Variants in PLGRKT observed in about 807,000 individuals in gnomAD.
PLGRKT encodes plasminogen receptor with a C-terminal lysine, also known as plasminogen receptor (KT).
A neutral mutation model predicts 18.5 loss-of-function variants in PLGRKT; 22 were observed. That is an observed-to-expected ratio of 1.19 (90% CI 0.85 to 1.70). The LOEUF is 1.70. PLGRKT is among the 40% of genes most tolerant of loss of function. PLGRKT has a pLI of 0.00. For missense variants in PLGRKT, 235 were observed against 174.4 expected (o/e 1.35, Z -1.96); for synonymous variants, 72 against 52.8 (o/e 1.36, Z -1.58).
chr9:5,382,637 T>C (rs928692931), intron 3 of PLGRKT, among the ~76,000 whole-genome samples: 1 of 152,178 alleles, frequency 6.6e-6, no homozygotes, highest in Non-Finnish European at 1.5e-5. Flanking sequence ...ATGTTAGACT[T>C]CGTGGGGAGC....
rs1330643925 is a variant in PLGRKT at position 5,418,653 on chromosome 9, C to T, written c.81+13244G>A. 2 of 687,484 alleles carry T rather than the reference C, an allele frequency of 2.9e-6. No homozygotes were observed. Among genetic ancestry groups the T allele is most frequent in the African/African-American group, 1.8e-5 (1 of 56,744 alleles). The allele number at this position is 687,484 out of a possible 1,614,324, so 42.6% of individuals were successfully genotyped here. On this transcript the variant is annotated intron_variant, in intron 3 of 5. Transcript: ENST00000223864. This position sits in a 1 kb window ranked among gnomAD's most constrained non-coding sequence, Gnocchi z 4.2. Reference sequence around the variant, plus strand: ...TCATATCTCCGGGCAGCAGCGCGTGCTCCTTGGAGATGGGCAGGGGCAGCA... The same window carrying T: ...TCATATCTCCGGGCAGCAGCGCGTGTTCCTTGGAGATGGGCAGGGGCAGCA...
In PLGRKT at chr9:5,418,331, A is replaced by C; in HGVS notation, c.81+13566T>G. 1 of 613,460 alleles carries C rather than the reference A, an allele frequency of 1.6e-6. No homozygotes were observed. Among genetic ancestry groups the C allele is most frequent in the Non-Finnish European group, 3.0e-6 (1 of 330,396 alleles). The allele number at this position is 613,460 out of a possible 1,614,324, so 38.0% of individuals were successfully genotyped here. ...CTCATCACCAATGTGCTCAACCCCT[A>C]AGTTGGCACCCACAAGAGACTTCCC... On this transcript the variant is annotated intron_variant, in intron 3 of 5. Coordinates refer to ENST00000223864, the MANE Select transcript of PLGRKT (RefSeq NM_018465.4). The surrounding 1 kb of genome is among the most constrained non-coding windows in gnomAD (Gnocchi z 4.2).
chr9:5,434,454 G>A (rs1439852698), intron 2 of PLGRKT, among the ~76,000 whole-genome samples: 14 of 141,396 alleles, frequency 9.9e-5, no homozygotes, highest in African/African-American at 1.6e-4. Context: ...CCGCCGCCCC[G>A]TCTGGGAGGT....
At chr9:5,414,303 A>G (rs1818418501) in intron 3 of PLGRKT, among the ~76,000 whole-genome samples, 2 of 152,140 alleles carry the variant, frequency 1.3e-5, no homozygotes, top group Admixed American at 1.3e-4. Flanking sequence ...AGTAGCTGGT[A>G]TTACAGGCAC....
At chr9:5,394,498 C>T (rs1240066578) in intron 3 of PLGRKT, among the ~76,000 whole-genome samples, 3 of 151,830 alleles carry the variant, frequency 2.0e-5, no homozygotes, top group African/African-American at 2.4e-5. Context: ...CTGCAACTTC[C>T]GCCTCCCGGG....
intron 3 of PLGRKT, among the ~76,000 whole-genome samples, chr9:5,428,223 A>C (rs1374011121): frequency 2.0e-5 from 3 of 152,168 alleles, no homozygotes; most frequent in African/African-American, 7.2e-5. Flanking sequence ...ACTTGAAATA[A>C]AGTAAATACA....
chr9:5,379,422 A>T (rs1326206085), intron 3 of PLGRKT, among the ~76,000 whole-genome samples: 2 of 152,220 alleles, frequency 1.3e-5, no homozygotes, highest in Admixed American at 1.3e-4. Flanking sequence ...TTACATTAAG[A>T]TTAATTAAAA....
intron 3 of PLGRKT, among the ~76,000 whole-genome samples, chr9:5,374,901 C>T (rs961062374): frequency 1.3e-5 from 2 of 152,046 alleles, no homozygotes; most frequent in Admixed American, 6.5e-5. Flanking sequence ...ATTATTTTTA[C>T]ATGCTATTAT....
At chr9:5,394,678 G>A (rs1267700824) in intron 3 of PLGRKT, among the ~76,000 whole-genome samples, 1 of 151,896 alleles carries the variant, frequency 6.6e-6, no homozygotes, top group Non-Finnish European at 1.5e-5. Context: ...CTCCCAAAGT[G>A]CTGGGATTAC....
At chr9:5,404,103 CA>C (rs1818208872) in intron 3 of PLGRKT, among the ~76,000 whole-genome samples, 1 of 152,086 alleles carries the variant, frequency 6.6e-6, no homozygotes, top group Non-Finnish European at 1.5e-5. Flanking sequence ...CCTGAATAGA[CA>C]ATGAGTTCTG....
At chr9:5,436,781 T>C (rs567395916) in intron 1 of PLGRKT, 87 bp from the exon 2 acceptor site, 1 of 152,332 alleles carries the variant, frequency 6.6e-6, no homozygotes, top group East Asian at 1.9e-4. Flanking sequence ...AACTTCCCCA[T>C]TCCTGGCAAA....
rs1045451513 is a variant in PLGRKT, at chr9:5,358,276, G to A, written c.407C>T (p.Ala136Val). ...GMITFESIEK[A>V]RKEQSRFFID... ...GAAGAATCTACTCTGTTCCTTTCTGGCTTTTTCAATGCTTTCAAAAGTGAT... is the reference window on the plus strand; with the variant it reads ...GAAGAATCTACTCTGTTCCTTTCTGACTTTTTCAATGCTTTCAAAAGTGAT... Residue 136 changes from alanine (A) to valine (V), a missense_variant, in exon 6 of 6, where the codon GCC becomes GTC. Coordinates refer to ENST00000223864, the MANE Select transcript of PLGRKT (RefSeq NM_018465.4). 1 of 1,609,106 alleles carries A rather than the reference G, an allele frequency of 6.2e-7. No individual in the cohort carries two copies. The highest frequency in any genetic ancestry group is 1.3e-5 in the African/African-American group (1 of 74,900).
chr9:5,432,015 A>AT (rs748472927), intron 2 of PLGRKT, 32 bp from the exon 3 acceptor site: 32 of 899,056 alleles, frequency 3.6e-5, no homozygotes, highest in Middle Eastern at 4.9e-4. Context: ...GAGACTTATA[A>AT]TAATACACTA....
At chr9:5,429,325 C>G (rs1250025380) in intron 3 of PLGRKT, among the ~76,000 whole-genome samples, 1 of 152,190 alleles carries the variant, frequency 6.6e-6, no homozygotes, top group African/African-American at 2.4e-5. Context: ...GGCCACTGCC[C>G]AGTGCAGCAG....
chr9:5,373,944 C>T (rs1817578317), intron 3 of PLGRKT, among the ~76,000 whole-genome samples: 1 of 152,246 alleles, frequency 6.6e-6, no homozygotes, highest in Middle Eastern at 3.4e-3. Flanking sequence ...GAGCCTTTTC[C>T]AGAGAGGGTC....
intron 3 of PLGRKT, among the ~76,000 whole-genome samples, chr9:5,424,528 T>TA (rs1447674434): frequency 2.6e-5 from 3 of 114,566 alleles, no homozygotes; most frequent in African/African-American, 3.6e-5. Flanking sequence ...TAAATATATA[T>TA]TATTAACATA....
Position 5,358,245 on chromosome 9 carries a change from G to T in PLGRKT, c.438C>A (p.Asp146Glu). The T allele has an allele frequency of 1.6e-5, 26 of 1,608,054 alleles. No homozygotes were observed. Among genetic ancestry groups the T allele is most frequent in the Non-Finnish European group, 2.2e-5 (26 of 1,175,092 alleles). The change falls in exon 6 of 6, where the codon GAC (aspartate) becomes GAA (glutamate). Residue 146 changes from aspartate (D) to glutamate (E), a missense_variant. Transcript: ENST00000223864. The stretch of plus-strand genomic sequence containing the variant: ...TTGATTGGTAAGCATGATTTCATTT[G>T]TCTATGAAGAATCTACTCTGTTCCT... ...ARKEQSRFFI[D>E]K
At chr9:5,432,340 G>A (rs905763218) in intron 2 of PLGRKT, among the ~76,000 whole-genome samples, 1 of 152,204 alleles carries the variant, frequency 6.6e-6, no homozygotes, top group African/African-American at 2.4e-5. Context: ...GTGAGGGGAA[G>A]GGTGGATACC....
chr9:5,395,213 G>A (rs1384244075), intron 3 of PLGRKT, among the ~76,000 whole-genome samples: 1 of 151,696 alleles, frequency 6.6e-6, no homozygotes, highest in Non-Finnish European at 1.5e-5. Context: ...TCGACAACTA[G>A]TGGTAGTTAA....
Sources: allele counts gnomAD v4.1 joint callset (sites outside exome capture counted in the v4.1 genomes callset), GRCh38; gene constraint gnomAD v4.1.1; non-coding constraint Gnocchi (gnomAD v3.1); transcripts MANE v1.5; gene names NCBI Gene and HGNC (gene_info 2026-07-23, HGNC 2026-07-21).